REV3L: variants seen among roughly 807,000 people sequenced by gnomAD.
REV3L encodes the protein REV3 like, DNA directed polymerase zeta catalytic subunit.
A neutral mutation model predicts 299.4 loss-of-function variants in REV3L; 69 were observed. The observed-to-expected ratio is 0.23, with a 90% CI of 0.19 to 0.28. The LOEUF is 0.28. Ranked by LOEUF, REV3L falls within the 10% of genes least tolerant of loss-of-function variation. The pLI is 1.00. For missense variants in REV3L, 3,128 were observed against 3,693.8 expected (o/e 0.85, Z 3.97); for synonymous variants, 1,238 against 1,271.4 (o/e 0.97, Z 0.56).
At chr6:111,483,499 A>C, upstream of REV3L, 12 of 508,512 alleles carry the variant, frequency 2.4e-5, no homozygotes, top group East Asian at 5.4e-5. Flanking sequence ...CACCGATCTC[A>C]TGGATGGGCT....
At chr6:111,456,060 T>C (rs1163497309) in intron 1 of REV3L, among the ~76,000 whole-genome samples, 4 of 152,212 alleles carry the variant, frequency 2.6e-5, no homozygotes, top group Admixed American at 1.3e-4. Context: ...AACATACAAA[T>C]ATATTTTTAT....
intron 5 of REV3L, among the ~76,000 whole-genome samples, chr6:111,391,007 T>C (rs534291847): frequency 1.3e-5 from 2 of 152,168 alleles, no homozygotes; most frequent in East Asian, 3.9e-4. Flanking sequence ...AGATCCTTAA[T>C]TTTACTACAA....
chr6:111,439,123 T>C (rs971027792), intron 1 of REV3L, among the ~76,000 whole-genome samples: 11 of 152,264 alleles, frequency 7.2e-5, no homozygotes, highest in African/African-American at 2.7e-4. Context: ...AATGTGATTA[T>C]GTTATACATC....
chr6:111,425,846 G>T (rs1018751826), intron 1 of REV3L, among the ~76,000 whole-genome samples: 3 of 151,832 alleles, frequency 2.0e-5, no homozygotes, highest in African/African-American at 4.8e-5. Flanking sequence ...TGAAGAGAGA[G>T]AAATTATAAA....
Position 111,358,968 on chromosome 6 carries a change from C to T in REV3L, c.6926G>A (p.Arg2309Lys). The T allele has an allele frequency of 6.2e-7, 1 of 1,614,056 alleles. No homozygotes were observed. ...TTCAGGATCCGGTTCTAAGTCTCGTCTAGTTCGAGCATGCAACTCCACACT... is the reference window on the plus strand; with the variant it reads ...TTCAGGATCCGGTTCTAAGTCTCGTTTAGTTCGAGCATGCAACTCCACACT... ...LISVELHART[R>K]RDLEPDPEFD... Residue 2309 changes from arginine to lysine, a missense_variant, in exon 17 of 32, where the codon AGA becomes AAA. Arg to Lys is a conservative substitution (Grantham distance 26, BLOSUM62 2). Coordinates refer to ENST00000368802, the MANE Select transcript of REV3L (RefSeq NM_001372078.1).
At chr6:111,325,754 C>A (rs548851699) in intron 25 of REV3L, among the ~76,000 whole-genome samples, 4 of 152,320 alleles carry the variant, frequency 2.6e-5, no homozygotes, top group South Asian at 2.1e-4. Flanking sequence ...TCCATCACCT[C>A]AAGCATTTAT....
At chr6:111,381,073 T>A (rs954874369) in intron 10 of REV3L, among the ~76,000 whole-genome samples, 1 of 152,252 alleles carries the variant, frequency 6.6e-6, no homozygotes, top group African/African-American at 2.4e-5. Flanking sequence ...TTTTCCTTCT[T>A]AAGTAATACG....
At position 111,451,875 on chromosome 6, in the gene REV3L, T is replaced by C. The variant is rs529164008; in HGVS notation, c.139+30875A>G. 2.0e-5 allele frequency among the ~76,000 whole-genome samples: 3 copies of C among 152,056 alleles called. 1 individual carries two copies. Among genetic ancestry groups the C allele is most frequent in the African/African-American group, 7.2e-5 (3 of 41,524 alleles). On this transcript the variant is annotated intron_variant, in intron 1 of 31. Coordinates refer to ENST00000368802, the MANE Select transcript of REV3L (RefSeq NM_001372078.1). The stretch of plus-strand genomic sequence containing the variant: ...AAAAAAAAAAAGATAAATTGGACTT[T>C]ATCATAGTTTAAAACCTTGACTCTT...
At chr6:111,465,745 C>CAAAAAAAAAAA (rs376561912) in intron 1 of REV3L, among the ~76,000 whole-genome samples, 27 of 76,820 alleles carry the variant, frequency 3.5e-4, no homozygotes, top group South Asian at 1.2e-3. Context: ...AAACAAAAAC[C>CAAAAAAAAAAA]AAAAAAAAAA....
At chr6:111,412,219 T>TA (rs2128281183) in intron 2 of REV3L, 1 of 985,144 alleles carries the variant, frequency 1.0e-6, no homozygotes, top group Non-Finnish European at 1.2e-6. Flanking sequence ...GACAGGAACT[T>TA]AAGAGACTGA....
chr6:111,299,851 G>A lies in REV3L; in HGVS notation c.*165C>T, dbSNP rs979311826. 1.6e-5 allele frequency: 9 copies of A among 567,180 alleles called. No individual in the cohort carries two copies. The highest frequency in any genetic ancestry group is 2.3e-5 in the Non-Finnish European group (8 of 340,848). The allele number at this position is 567,180 out of a possible 1,614,324, so 35.1% of individuals were successfully genotyped here. A position where few individuals can be genotyped will look rare whatever the true frequency, so the allele number is the denominator to read the frequency against. On this transcript the variant is annotated 3_prime_UTR_variant, in exon 32 of 32. Transcript: ENST00000368802. Reference sequence around the variant, plus strand: ...CATTGTAAGAAGTGAGCTATTCAGAGATCAACAAGTACATTTTAATTCGGT... The same window carrying A: ...CATTGTAAGAAGTGAGCTATTCAGAAATCAACAAGTACATTTTAATTCGGT...
At chr6:111,305,671 A>T (rs1772204814) in intron 31 of REV3L, among the ~76,000 whole-genome samples, 1 of 152,180 alleles carries the variant, frequency 6.6e-6, no homozygotes, top group Non-Finnish European at 1.5e-5. Flanking sequence ...CTCTGGGTAA[A>T]TTGATGGCAC....
intron 1 of REV3L, among the ~76,000 whole-genome samples, chr6:111,442,083 G>C (rs1467902352): frequency 6.6e-6 from 1 of 152,176 alleles, no homozygotes; most frequent in Non-Finnish European, 1.5e-5. Flanking sequence ...GTTTCCCTTG[G>C]CAAATGTTAC....
chr6:111,324,866 CTT>C (rs11346378), intron 25 of REV3L, among the ~76,000 whole-genome samples: 192 of 143,726 alleles, frequency 1.3e-3, no homozygotes, highest in Admixed American at 1.5e-3. Flanking sequence ...GCTCAAAAGT[CTT>C]TTTTTTTTTT....
chr6:111,440,778 T>C (rs1325001698), intron 1 of REV3L, among the ~76,000 whole-genome samples: 1 of 152,242 alleles, frequency 6.6e-6, no homozygotes, highest in African/African-American at 2.4e-5. Context: ...AAGTAACATT[T>C]CTTACTGGCA....
intron 3 of REV3L, among the ~76,000 whole-genome samples, 153 bp downstream of exon 3, chr6:111,411,327 C>T (rs1236505067): frequency 6.6e-6 from 1 of 152,158 alleles, no homozygotes. Flanking sequence ...AGAGTCCAAG[C>T]CACTGGTCTC....
In REV3L at chr6:111,422,631, C is replaced by CATATATATATATAT. The variant is rs1554228584; in HGVS notation, c.140-6160_140-6159insATATATATATATAT. On this transcript the variant is annotated intron_variant, in intron 1 of 31. Coordinates refer to ENST00000368802, the MANE Select transcript of REV3L (RefSeq NM_001372078.1). ...ATATATACACATATATATATATATA[C>CATATATATATATAT]ACATATATATATATATACATATATA... Among the ~76,000 whole-genome samples the CATATATATATATAT allele has an allele frequency of 1.6e-3, 21 of 12,750 alleles. 3 individuals are homozygous for CATATATATATATAT. Among genetic ancestry groups the CATATATATATATAT allele is most frequent in the African/African-American group, 2.7e-3 (19 of 7,050 alleles). 8.4% of individuals were successfully genotyped at this position (12,750 alleles called of 152,430 possible).
chr6:111,465,760 A>AAAC (rs1393146537), intron 1 of REV3L, among the ~76,000 whole-genome samples: 3 of 151,134 alleles, frequency 2.0e-5, no homozygotes, highest in South Asian at 4.2e-4. Flanking sequence ...AAAAAAAAAA[A>AAAC]AAAAAACTTT....
At chr6:111,317,249 C>T (rs1291919567) in intron 26 of REV3L, among the ~76,000 whole-genome samples, 1 of 152,042 alleles carries the variant, frequency 6.6e-6, no homozygotes, top group Middle Eastern at 3.2e-3. Flanking sequence ...GGAGACAGTA[C>T]TTGCCTGACA....
Sources: allele counts gnomAD v4.1 joint callset (sites outside exome capture counted in the v4.1 genomes callset), GRCh38; gene constraint gnomAD v4.1.1; transcripts MANE v1.5; gene names NCBI Gene and HGNC (gene_info 2026-07-23, HGNC 2026-07-21).